The following CDH18 variants were observed in gnomAD, a reference collection of about 807,000 sequenced individuals.
CDH18 encodes the protein cadherin 18, also known as cadherin-18.
A neutral mutation model predicts 67.9 loss-of-function variants in CDH18; 31 were observed. The ratio of observed to expected loss-of-function variants is 0.46; its 90% confidence interval spans 0.34 to 0.62. CDH18 has a LOEUF of 0.62. CDH18 is among the 20% of genes least tolerant of loss of function. The pLI, the probability that CDH18 is intolerant of heterozygous loss-of-function variation, is 0.01. For synonymous variants in CDH18, 362 were observed against 347.2 expected, an observed-to-expected ratio of 1.04 and a Z score of -0.48; for missense variants, 890 against 975.5, an observed-to-expected ratio of 0.91 and a Z score of 1.17.
intron 1 of CDH18, among the ~76,000 whole-genome samples, chr5:20,484,716 G>A (rs1160033927): frequency 2.6e-5 from 4 of 152,168 alleles, no homozygotes; most frequent in South Asian, 2.1e-4. Flanking sequence ...AGTTCCAGAT[G>A]TTCTCAATTA....
At chr5:20,322,393 T>C (rs1305277606) in intron 1 of CDH18, among the ~76,000 whole-genome samples, 2 of 152,158 alleles carry the variant, frequency 1.3e-5, no homozygotes, top group South Asian at 2.1e-4. Flanking sequence ...CATGTCATTG[T>C]ATATAATTTA....
chr5:20,550,763 G>T (rs1396156478), intron 1 of CDH18, among the ~76,000 whole-genome samples: 1 of 152,128 alleles, frequency 6.6e-6, no homozygotes, highest in Non-Finnish European at 1.5e-5. Context: ...AAATTCCTAG[G>T]CTGGGTAATT....
chr5:20,571,229 T>C (rs1758802427), intron 1 of CDH18, among the ~76,000 whole-genome samples: 1 of 152,134 alleles, frequency 6.6e-6, no homozygotes, highest in Non-Finnish European at 1.5e-5. Context: ...CCTTTCATTG[T>C]TATGTTTGTC....
intron 1 of CDH18, among the ~76,000 whole-genome samples, chr5:20,344,481 A>G (rs1183175280): frequency 6.6e-6 from 1 of 152,062 alleles, no homozygotes; most frequent in African/African-American, 2.4e-5. Context: ...TTGATAAAGT[A>G]CTAATTAATA....
chr5:19,667,467 TATA>T (rs1211034780), intron 5 of CDH18, among the ~76,000 whole-genome samples: 2 of 147,004 alleles, frequency 1.4e-5, no homozygotes, highest in Non-Finnish European at 3.0e-5. Flanking sequence ...TCATGAGACT[TATA>T]ATCACAATGA....
At chr5:20,514,070 G>A (rs1182430911) in intron 1 of CDH18, among the ~76,000 whole-genome samples, 1 of 152,010 alleles carries the variant, frequency 6.6e-6, no homozygotes, top group Admixed American at 6.6e-5. Flanking sequence ...TGTAAGGTAG[G>A]TAGAAAAAAC....
intron 2 of CDH18, among the ~76,000 whole-genome samples, chr5:20,226,897 C>T (rs367761787): frequency 2.0e-5 from 3 of 151,980 alleles, no homozygotes; most frequent in East Asian, 3.9e-4. Context: ...CCTCTAAGAG[C>T]TCGAAATGAC....
At chr5:19,844,532 C>T (rs1702462683) in intron 2 of CDH18, among the ~76,000 whole-genome samples, 1 of 152,116 alleles carries the variant, frequency 6.6e-6, no homozygotes, top group Admixed American at 6.5e-5. Context: ...TATAAATTAC[C>T]CAGTCTTGAG....
At position 19,739,639 on chromosome 5, in the gene CDH18, G is replaced by T. The variant is rs116261512; in HGVS notation, c.523+7303C>A. Among the ~76,000 whole-genome samples, 837 of 152,300 alleles carry T rather than the reference G, an allele frequency of 5.5e-3. 2 individuals are homozygous for T. The highest frequency in any genetic ancestry group is 0.019 in the African/African-American group (806 of 41,568). Reference sequence around the variant, plus strand: ...ACAGAAGAATAGTTATGCAAATAAAGAAGAAAATTATGAAACTTGCAAAAT... The same window carrying T: ...ACAGAAGAATAGTTATGCAAATAAATAAGAAAATTATGAAACTTGCAAAAT... On this transcript the variant is annotated intron_variant, in intron 4 of 12. Transcript: ENST00000382275.
chr5:20,093,507 C>T (rs541243085), intron 2 of CDH18, among the ~76,000 whole-genome samples: 15 of 152,090 alleles, frequency 9.9e-5, no homozygotes, highest in South Asian at 8.3e-4. Context: ...TTTGTGTTAA[C>T]GCTACATTAA....
chr5:20,058,590 T>C (rs1742195993), intron 2 of CDH18, among the ~76,000 whole-genome samples: 1 of 152,146 alleles, frequency 6.6e-6, no homozygotes, highest in Admixed American at 6.5e-5. Context: ...TACAGTACTA[T>C]ACTCAAGTTT....
intron 2 of CDH18, among the ~76,000 whole-genome samples, chr5:20,213,059 CAT>C (rs1740476907): frequency 6.6e-6 from 1 of 152,156 alleles, no homozygotes; most frequent in Non-Finnish European, 1.5e-5. Context: ...TGTGTTTCAA[CAT>C]GTGTGTGATT....
At chr5:20,188,604 G>A (rs1266052837) in intron 2 of CDH18, among the ~76,000 whole-genome samples, 2 of 151,738 alleles carry the variant, frequency 1.3e-5, no homozygotes, top group Admixed American at 6.6e-5. Context: ...CTTTTTTGCT[G>A]TCACAGGGAG....
intron 3 of CDH18, among the ~76,000 whole-genome samples, chr5:19,789,631 T>C (rs913356338): frequency 3.3e-5 from 5 of 152,098 alleles, no homozygotes. Flanking sequence ...AGTTGACAAA[T>C]AGGCAAGAAG....
intron 1 of CDH18, among the ~76,000 whole-genome samples, chr5:20,356,315 G>A (rs750152812): frequency 1.3e-5 from 2 of 152,222 alleles, no homozygotes; most frequent in South Asian, 2.1e-4. Flanking sequence ...TCCAGGAGAC[G>A]GAGGTCGCAG....
intron 5 of CDH18, among the ~76,000 whole-genome samples, chr5:19,720,250 A>G (rs1765907056): frequency 6.6e-6 from 1 of 152,170 alleles, no homozygotes; most frequent in African/African-American, 2.4e-5. Flanking sequence ...ATATAATTAT[A>G]GAAGTATAAA....
At chr5:20,371,555 A>G (rs1419971535) in intron 1 of CDH18, among the ~76,000 whole-genome samples, 2 of 152,220 alleles carry the variant, frequency 1.3e-5, no homozygotes, top group Admixed American at 6.5e-5. Context: ...GAGAATGGAG[A>G]CTAGTAAGAG....
intron 7 of CDH18, 87 bp downstream of exon 7, chr5:19,590,970 A>G (rs867621602): frequency 3.1e-5 from 21 of 681,556 alleles, no homozygotes; most frequent in Middle Eastern, 4.0e-4. Context: ...ATGGCCTGAC[A>G]GCGTGGATTA....
chr5:20,180,820 G>A (rs754812863), intron 2 of CDH18, among the ~76,000 whole-genome samples: 5 of 152,182 alleles, frequency 3.3e-5, no homozygotes, highest in Non-Finnish European at 7.4e-5. Context: ...AGAGAGCTCC[G>A]TTGCATTGCG....
Sources: gnomAD v4.1 joint callset for allele counts (sites outside exome capture counted in the v4.1 genomes callset) on GRCh38, gnomAD v4.1.1 for gene constraint, MANE v1.5 for transcripts, NCBI Gene and HGNC (gene_info 2026-07-23, HGNC 2026-07-21) for gene names.